The following REDIC1 variants were observed in gnomAD, a reference collection of about 807,000 sequenced individuals.
The protein encoded by REDIC1 is regulator of DNA class I crossover intermediates 1.
At chr12:39,667,034 T>G in the REDIC1 span, among the ~76,000 whole-genome samples, 1 of 92,342 alleles carries the variant, frequency 1.1e-5, no homozygotes, top group Non-Finnish European at 2.9e-5. Context: ...GATTCATTAA[T>G]TTTTTGAAGG....
the REDIC1 span, among the ~76,000 whole-genome samples, chr12:39,717,724 C>T: frequency 6.6e-6 from 1 of 152,044 alleles, no homozygotes; most frequent in African/African-American, 2.4e-5. Context: ...GCTTCAGAGC[C>T]TGTATCATAG....
chr12:39,632,626 C>A, the REDIC1 span, among the ~76,000 whole-genome samples: 6 of 151,968 alleles, frequency 3.9e-5, no homozygotes, highest in African/African-American at 1.5e-4. Context: ...GAGAAATATA[C>A]CATTAGACAA....
At chr12:39,703,162 C>T in the REDIC1 span, among the ~76,000 whole-genome samples, 1 of 152,196 alleles carries the variant, frequency 6.6e-6, no homozygotes, top group African/African-American at 2.4e-5. Flanking sequence ...TTGCAGATGA[C>T]ATGACTGCAT....
the REDIC1 span, among the ~76,000 whole-genome samples, chr12:39,868,725 A>C: frequency 6.6e-6 from 1 of 152,210 alleles, no homozygotes; most frequent in African/African-American, 2.4e-5. Flanking sequence ...CCAATATTAA[A>C]GAATCAAGAA....
At chr12:39,718,668 A>T in the REDIC1 span, among the ~76,000 whole-genome samples, 3 of 149,018 alleles carry the variant, frequency 2.0e-5, no homozygotes, top group Non-Finnish European at 4.5e-5. Context: ...CCTATGTGAC[A>T]TTTTTTTTTT....
At chr12:39,902,039 G>C in the REDIC1 span, among the ~76,000 whole-genome samples, 1 of 152,090 alleles carries the variant, frequency 6.6e-6, no homozygotes, top group African/African-American at 2.4e-5. Flanking sequence ...CATGTCCTTT[G>C]TAGGGACATG....
the REDIC1 span, among the ~76,000 whole-genome samples, chr12:39,712,655 A>T: frequency 6.9e-6 from 1 of 144,760 alleles, no homozygotes; most frequent in Non-Finnish European, 1.5e-5. Flanking sequence ...ATTTATGTAT[A>T]TATGTATGTA....
chr12:39,865,150 T>C, the REDIC1 span, among the ~76,000 whole-genome samples: 2 of 152,220 alleles, frequency 1.3e-5, no homozygotes, highest in South Asian at 4.1e-4. Flanking sequence ...AAATTGGTAA[T>C]GATTTTTTAA....
At chr12:39,712,603 A>G in the REDIC1 span, among the ~76,000 whole-genome samples, 13 of 145,180 alleles carry the variant, frequency 9.0e-5, no homozygotes, top group South Asian at 2.5e-3. Context: ...ATATACATAT[A>G]TATGTATATA....
At chr12:39,725,057 C>T in the REDIC1 span, among the ~76,000 whole-genome samples, 1 of 152,022 alleles carries the variant, frequency 6.6e-6, no homozygotes, top group Non-Finnish European at 1.5e-5. Flanking sequence ...AATCTATATT[C>T]TAGTCCCAAC....
the REDIC1 span, among the ~76,000 whole-genome samples, chr12:39,783,984 A>G: frequency 1.3e-5 from 2 of 152,210 alleles, no homozygotes; most frequent in Non-Finnish European, 2.9e-5. Flanking sequence ...AATTGCTTCA[A>G]AGAGAATAAA....
At chr12:39,660,177 C>T in the REDIC1 span, among the ~76,000 whole-genome samples, 2 of 152,122 alleles carry the variant, frequency 1.3e-5, no homozygotes, top group African/African-American at 4.8e-5. Context: ...ATGCATGTGC[C>T]GGTTAGTATT....
At chr12:39,864,520 A>T in the REDIC1 span, among the ~76,000 whole-genome samples, 1 of 152,134 alleles carries the variant, frequency 6.6e-6, no homozygotes, top group East Asian at 1.9e-4. Flanking sequence ...TTTCCAGAGA[A>T]ACATCACCAA....
the REDIC1 span, among the ~76,000 whole-genome samples, chr12:39,838,506 T>TA: frequency 8.9e-4 from 126 of 142,338 alleles, no homozygotes; most frequent in East Asian, 9.6e-3. Flanking sequence ...AAAAATAAAT[T>TA]AAAAAAAAAA....
At chr12:39,771,271 T>G in the REDIC1 span, among the ~76,000 whole-genome samples, 2 of 152,134 alleles carry the variant, frequency 1.3e-5, no homozygotes, top group South Asian at 4.1e-4. Flanking sequence ...ACCTTGGATT[T>G]GCTTCCGACC....
At chr12:39,694,180 T>G in the REDIC1 span, among the ~76,000 whole-genome samples, 2 of 152,182 alleles carry the variant, frequency 1.3e-5, no homozygotes, top group African/African-American at 4.8e-5. Flanking sequence ...ATTAGAAAGA[T>G]GTAGATGAGG....
chr12:39,848,719 T>C, the REDIC1 span, among the ~76,000 whole-genome samples: 1 of 152,088 alleles, frequency 6.6e-6, no homozygotes, highest in Non-Finnish European at 1.5e-5. Context: ...GACACATGCA[T>C]GGGAATGTTC....
the REDIC1 span, among the ~76,000 whole-genome samples, chr12:39,722,975 A>G: frequency 1.3e-5 from 2 of 152,094 alleles, no homozygotes; most frequent in African/African-American, 4.8e-5. Flanking sequence ...TTGCCTTCCT[A>G]AGGGATCAGA....
At chr12:39,703,612 T>G in the REDIC1 span, among the ~76,000 whole-genome samples, 5 of 152,100 alleles carry the variant, frequency 3.3e-5, no homozygotes, top group Admixed American at 6.6e-5. Flanking sequence ...AAAAGATCCC[T>G]CATTGCCAAG....
Sources: gnomAD v4.1 joint callset for allele counts (sites outside exome capture counted in the v4.1 genomes callset) on GRCh38, gnomAD v4.1.1 for gene constraint, MANE v1.5 for transcripts, NCBI Gene and HGNC (gene_info 2026-07-23, HGNC 2026-07-21) for gene names.